The following BACH2 variants were observed in gnomAD, a reference collection of about 807,000 sequenced individuals.
The protein encoded by BACH2 is BACH transcriptional regulator 2, also known as transcription regulator protein BACH2.
In BACH2, 5 loss-of-function variants were observed where a neutral mutation model predicts 61.8. The ratio of observed to expected loss-of-function variants is 0.08; its 90% CI spans 0.04 to 0.17. The LOEUF (loss-of-function observed/expected upper bound fraction) is 0.17. Ranked by LOEUF, BACH2 falls within the 10% of genes least tolerant of loss-of-function variation. The probability of loss-of-function intolerance (pLI) is 1.00; values close to 1 mark genes in which losing one functional copy is unlikely to be tolerated. For synonymous variants in BACH2, 446 were observed against 440.1 expected (o/e 1.01, Z -0.17); for missense variants, 824 against 1,091.1 (o/e 0.76, Z 3.45).
chr6:90,259,240 T>C (rs1351259844), intron 2 of BACH2, among the ~76,000 whole-genome samples: 1 of 152,200 alleles, frequency 6.6e-6, no homozygotes, highest in East Asian at 1.9e-4. Flanking sequence ...CAGAGAAGCT[T>C]TCCTTCTATA....
At chr6:90,105,150 G>A (rs1025872765) in intron 4 of BACH2, among the ~76,000 whole-genome samples, 2 of 152,202 alleles carry the variant, frequency 1.3e-5, no homozygotes, top group African/African-American at 4.8e-5. Flanking sequence ...TTGCAGATGT[G>A]CAGTTATGCA....
intron 3 of BACH2, among the ~76,000 whole-genome samples, chr6:90,240,307 A>G (rs980698163): frequency 2.0e-5 from 3 of 152,220 alleles, no homozygotes; most frequent in African/African-American, 7.2e-5. Flanking sequence ...GAAATGCAAA[A>G]TAACTTATAA....
Position 90,247,246 on chromosome 6 carries a change from C to T in BACH2, c.-275+5267G>A, listed in dbSNP as rs1463713787. Among the ~76,000 whole-genome samples the T allele has an allele frequency of 1.8e-3, 256 of 141,164 alleles. 1 individual carries two copies. Among genetic ancestry groups the T allele is most frequent in the African/African-American group, 6.4e-3 (243 of 38,090 alleles). The allele number at this position is 141,164 out of a possible 152,430, so 92.6% of individuals were successfully genotyped here. A position where few individuals can be genotyped will look rare whatever the true frequency, so the allele number is the denominator to read the frequency against. On this transcript the variant is annotated intron_variant, in intron 3 of 8. Coordinates refer to ENST00000257749, the MANE Select transcript of BACH2 (RefSeq NM_021813.4). ...AAGTATCAATTTCTTTCTTCTTCTTCTTTTTTTTTTTTTTGTAGAGATGGT... is the reference window on the plus strand; with the variant it reads ...AAGTATCAATTTCTTTCTTCTTCTTTTTTTTTTTTTTTTTGTAGAGATGGT...
At chr6:90,268,009 T>G (rs972642406) in intron 2 of BACH2, among the ~76,000 whole-genome samples, 2 of 133,916 alleles carry the variant, frequency 1.5e-5, no homozygotes, top group Admixed American at 7.7e-5. Context: ...TTGCCTTTTT[T>G]GTTTTTTTTT....
chr6:90,177,679 G>C (rs1768025888), intron 4 of BACH2, among the ~76,000 whole-genome samples: 1 of 152,118 alleles, frequency 6.6e-6, no homozygotes, highest in Non-Finnish European at 1.5e-5. Flanking sequence ...CAGAATGCTA[G>C]AGGAGGCATT....
intron 6 of BACH2, among the ~76,000 whole-genome samples, chr6:90,001,002 A>C (rs1027721496): frequency 1.3e-5 from 2 of 152,208 alleles, no homozygotes; most frequent in African/African-American, 4.8e-5. Context: ...TCCAACAGGA[A>C]GCTAGCCAAG....
chr6:89,947,211 A>G (rs1312132049), intron 7 of BACH2, among the ~76,000 whole-genome samples: 1 of 152,228 alleles, frequency 6.6e-6, no homozygotes, highest in Non-Finnish European at 1.5e-5. Flanking sequence ...AATTAGCCCA[A>G]TAGATGCTGG....
chr6:90,263,886 A>G (rs1467181936), intron 2 of BACH2, among the ~76,000 whole-genome samples: 2 of 152,168 alleles, frequency 1.3e-5, no homozygotes, highest in African/African-American at 2.4e-5. Context: ...GCTCCTAACC[A>G]CAAGTCTAAG....
Position 89,950,513 on chromosome 6 carries a change from G to A in BACH2, c.1593C>T (p.Asp531=), listed in dbSNP as rs201225316. The change falls in exon 7 of 9, where the codon GAC becomes GAT. Residue 531 remains aspartate (D), a synonymous_variant. Coordinates refer to ENST00000257749, the MANE Select transcript of BACH2 (RefSeq NM_021813.4). This position sits in a 1 kb window ranked among gnomAD's most constrained non-coding sequence, Gnocchi z 5.3. ...SSCSSYSYAE[D]GSGGSPCSLP... is the part of the protein sequence containing the mutation. ...GGCTGCAGGGTGAGCCCCCGCTCCCGTCCTCCGCGTAGGAATAGGAAGAGC... is the reference window on the plus strand; with the variant it reads ...GGCTGCAGGGTGAGCCCCCGCTCCCATCCTCCGCGTAGGAATAGGAAGAGC... The A allele has an allele frequency of 1.7e-5, 28 of 1,613,778 alleles. No individual in the cohort carries two copies. Among genetic ancestry groups the A allele is most frequent in the Admixed American group, 8.3e-5 (5 of 59,998 alleles).
At chr6:89,956,589 T>G (rs1206880521) in intron 6 of BACH2, among the ~76,000 whole-genome samples, 2 of 152,188 alleles carry the variant, frequency 1.3e-5, no homozygotes, top group Non-Finnish European at 2.9e-5. Context: ...TTGGGCACTG[T>G]TTGCAAAGCT....
At chr6:89,945,748 CAT>C (rs1305523136) in intron 7 of BACH2, among the ~76,000 whole-genome samples, 1 of 150,778 alleles carries the variant, frequency 6.6e-6, no homozygotes, top group Non-Finnish European at 1.5e-5. Context: ...GCAAGATAGA[CAT>C]ACATAAAATT....
Position 89,985,642 on chromosome 6 carries a change from G to A in BACH2, c.243+22960C>T, listed in dbSNP as rs550453225. ...GGCTCTGCAGCTTTTGTCAGAGGCT[G>A]TTTCCCTGCAAAATGGGGGGAAAAT... is the stretch of plus-strand genomic sequence containing the variant. On this transcript the variant is annotated intron_variant, in intron 6 of 8. Coordinates refer to ENST00000257749, the MANE Select transcript of BACH2 (RefSeq NM_021813.4). 7.2e-5 allele frequency among the ~76,000 whole-genome samples: 11 copies of A among 152,278 alleles called. No homozygotes were observed. In the East Asian group the frequency reaches 1.9e-3, roughly 27 times the overall value.
Position 90,246,587 on chromosome 6 carries a change from A to C in BACH2, c.-275+5926T>G, listed in dbSNP as rs1770646477. Among the ~76,000 whole-genome samples the C allele has an allele frequency of 2.0e-5, 3 of 152,188 alleles. No homozygotes were observed. In the South Asian group the frequency reaches 6.2e-4, roughly 32 times the overall value. On this transcript the variant is annotated intron_variant, in intron 3 of 8. Transcript: ENST00000257749. ...TCTTAGTACAAACTGGCAAAAAAAA[A>C]TCATTTACCTTGTTTATTGTTTGTA...
intron 5 of BACH2, among the ~76,000 whole-genome samples, chr6:90,028,514 C>T (rs1336364899): frequency 6.6e-6 from 1 of 152,210 alleles, no homozygotes; most frequent in African/African-American, 2.4e-5. Flanking sequence ...GGGCAGGATC[C>T]TGCAGTGGTG....
At chr6:89,967,693 A>C (rs886616614) in intron 6 of BACH2, among the ~76,000 whole-genome samples, 6 of 152,206 alleles carry the variant, frequency 3.9e-5, no homozygotes, top group African/African-American at 1.4e-4. Flanking sequence ...GCCAGGGCTT[A>C]AGAATCTCTA....
intron 4 of BACH2, among the ~76,000 whole-genome samples, chr6:90,185,887 C>G (rs900966548): frequency 6.6e-6 from 1 of 152,174 alleles, no homozygotes. Context: ...ATGATGATTA[C>G]GCAAATGTAG....
chr6:90,215,208 A>G (rs1361218499), intron 3 of BACH2, among the ~76,000 whole-genome samples: 2 of 152,150 alleles, frequency 1.3e-5, no homozygotes, highest in Non-Finnish European at 2.9e-5. Context: ...GTTTCTGCCA[A>G]AACAGTTGAA....
At chr6:90,220,341 T>C (rs749985734) in intron 3 of BACH2, among the ~76,000 whole-genome samples, 5 of 152,196 alleles carry the variant, frequency 3.3e-5, no homozygotes, top group African/African-American at 4.8e-5. Flanking sequence ...AAGTTAATTC[T>C]TTCCCACACA....
chr6:90,060,165 A>G (rs1780609087), intron 5 of BACH2, among the ~76,000 whole-genome samples: 1 of 151,926 alleles, frequency 6.6e-6, no homozygotes, highest in East Asian at 1.9e-4. Context: ...ACAAACAAAA[A>G]ACACAAAAGA....
Sources: gnomAD v4.1 joint callset for allele counts (sites outside exome capture counted in the v4.1 genomes callset) on GRCh38, gnomAD v4.1.1 for gene constraint, Gnocchi (gnomAD v3.1) non-coding constraint, MANE v1.5 for transcripts, NCBI Gene and HGNC (gene_info 2026-07-23, HGNC 2026-07-21) for gene names.